The following MAN1A2 variants were observed in gnomAD, a reference collection of about 807,000 sequenced individuals.
MAN1A2 encodes mannosyl-oligosaccharide 1,2-alpha-mannosidase IB.
Under a neutral mutation model 75.7 loss-of-function variants are expected in MAN1A2, and 26 were observed. The observed-to-expected ratio is 0.34, with a 90% CI of 0.25 to 0.48. The LOEUF is 0.48. Ranked by LOEUF, MAN1A2 falls within the 20% of genes least tolerant of loss-of-function variation. The pLI is 0.99. For synonymous variants in MAN1A2, 247 were observed against 264.6 expected (o/e 0.93, Z 0.65); for missense variants, 562 against 775.5 (o/e 0.72, Z 3.27).
At chr1:117,473,648 G>A (rs1259534816) in intron 8 of MAN1A2, among the ~76,000 whole-genome samples, 1 of 151,924 alleles carries the variant, frequency 6.6e-6, no homozygotes, top group Admixed American at 6.6e-5. Flanking sequence ...CAGAGCTATT[G>A]CAGCCACTAC....
At chr1:117,463,287 C>G (rs1448394962) in intron 7 of MAN1A2, among the ~76,000 whole-genome samples, 1 of 151,986 alleles carries the variant, frequency 6.6e-6, no homozygotes, top group Non-Finnish European at 1.5e-5. Context: ...AGTCTGCTTC[C>G]TACCGTATCC....
At chr1:117,480,626 A>AT (rs774986120) in intron 8 of MAN1A2, among the ~76,000 whole-genome samples, 1 of 151,584 alleles carries the variant, frequency 6.6e-6, no homozygotes, top group Non-Finnish European at 1.5e-5. Flanking sequence ...ATGCTGCCTC[A>AT]TTTTTTTACT....
At position 117,439,445 on chromosome 1, in the gene MAN1A2, C is replaced by T. The variant is rs12073066; in HGVS notation, c.856-2786C>T. ...GAAGCATATATAGATCCTAATGTCA[C>T]TTCCCTCCTCAAGAAACTACAGTGG... On this transcript the variant is annotated intron_variant, in intron 5 of 12. Transcript: ENST00000356554. Among the ~76,000 whole-genome samples, 584 of 152,002 alleles carry T rather than the reference C, an allele frequency of 3.8e-3. 7 individuals are homozygous for T. Among genetic ancestry groups the T allele is most frequent in the African/African-American group, 0.013 (555 of 41,458 alleles).
intron 6 of MAN1A2, 86 bp from the exon 7 acceptor site, chr1:117,460,403 T>G: frequency 2.4e-6 from 2 of 823,808 alleles, no homozygotes; most frequent in South Asian, 4.2e-5. Context: ...TTATAAGAGA[T>G]CTATTTAAAA....
chr1:117,385,418 G>C (rs930461455), intron 1 of MAN1A2, among the ~76,000 whole-genome samples: 14 of 152,200 alleles, frequency 9.2e-5, no homozygotes, highest in Admixed American at 5.2e-4. Flanking sequence ...TGAATGTGTA[G>C]TAGTAATTAT....
intron 5 of MAN1A2, among the ~76,000 whole-genome samples, chr1:117,439,378 A>G (rs1312702324): frequency 6.6e-6 from 1 of 152,198 alleles, no homozygotes. Context: ...CAAAAATATT[A>G]TCTTAGTAAC....
At chr1:117,445,661 A>G (rs947798848) in intron 6 of MAN1A2, among the ~76,000 whole-genome samples, 1 of 151,706 alleles carries the variant, frequency 6.6e-6, no homozygotes, top group Non-Finnish European at 1.5e-5. Flanking sequence ...CTAGTAGCTG[A>G]GACTACAGGT....
intron 1 of MAN1A2, among the ~76,000 whole-genome samples, chr1:117,389,572 C>CACTG (rs1160839341): frequency 6.6e-6 from 1 of 152,122 alleles, no homozygotes. Context: ...GGTTGGGGAT[C>CACTG]ACTGCATTAC....
chr1:117,404,842 C>G (rs932269352), intron 2 of MAN1A2, among the ~76,000 whole-genome samples: 1 of 152,080 alleles, frequency 6.6e-6, no homozygotes, highest in African/African-American at 2.4e-5. Context: ...ATCATGAGGT[C>G]AGGAGATCAA....
chr1:117,415,794 A>G (rs182973340), intron 4 of MAN1A2, among the ~76,000 whole-genome samples: 8 of 152,140 alleles, frequency 5.3e-5, no homozygotes. Flanking sequence ...CTTAGACCTC[A>G]TGATATGAAA....
At chr1:117,397,521 T>G (rs936606754) in intron 1 of MAN1A2, among the ~76,000 whole-genome samples, 11 of 152,150 alleles carry the variant, frequency 7.2e-5, no homozygotes, top group Non-Finnish European at 1.3e-4. Flanking sequence ...TGGAAAACTG[T>G]TACATGGCAG....
intron 5 of MAN1A2, among the ~76,000 whole-genome samples, chr1:117,434,432 G>C (rs1648783595): frequency 6.6e-6 from 1 of 152,168 alleles, no homozygotes; most frequent in African/African-American, 2.4e-5. Flanking sequence ...TAATTCGGCT[G>C]TGTGAAGTAA....
At chr1:117,379,103 T>C (rs1653249195) in intron 1 of MAN1A2, among the ~76,000 whole-genome samples, 1 of 152,170 alleles carries the variant, frequency 6.6e-6, no homozygotes, top group Non-Finnish European at 1.5e-5. Flanking sequence ...TCAGTTCTGA[T>C]AGTTGTAAAG....
At chr1:117,423,702 C>G (rs1557943920) in intron 5 of MAN1A2, among the ~76,000 whole-genome samples, 1 of 151,888 alleles carries the variant, frequency 6.6e-6, no homozygotes, top group Non-Finnish European at 1.5e-5. Flanking sequence ...TCTCAGTTGT[C>G]TCAGGACATT....
intron 6 of MAN1A2, among the ~76,000 whole-genome samples, chr1:117,448,185 C>A (rs1013256717): frequency 3.3e-5 from 5 of 152,062 alleles, no homozygotes; most frequent in Non-Finnish European, 7.4e-5. Context: ...TGCGGCAATT[C>A]TGAACGGGAG....
chr1:117,501,504 A>G (rs1018416952), intron 11 of MAN1A2, among the ~76,000 whole-genome samples: 1 of 151,674 alleles, frequency 6.6e-6, no homozygotes, highest in Admixed American at 6.6e-5. Context: ...CAAACTTCCA[A>G]ACTTGCCCTC....
At position 117,367,924 on chromosome 1, in the gene MAN1A2, G is replaced by T. The variant is rs1557920372; in HGVS notation, c.-260G>T. On this transcript the variant is annotated 5_prime_UTR_variant, in exon 1 of 13. Coordinates refer to ENST00000356554, the MANE Select transcript of MAN1A2 (RefSeq NM_006699.5). ...ACCCCTAGGAATGAAGAGGAGGCTT[G>T]TAATAATCCGATGAAGTACAGATGT... The T allele has an allele frequency of 2.6e-5, 11 of 427,838 alleles. No homozygotes were observed. The highest frequency in any genetic ancestry group is 2.5e-5 in the Non-Finnish European group (6 of 240,552). The allele number at this position is 427,838 out of a possible 1,614,324, so 26.5% of individuals were successfully genotyped here.
At chr1:117,469,933 A>G (rs886213114) in intron 8 of MAN1A2, among the ~76,000 whole-genome samples, 11 of 152,134 alleles carry the variant, frequency 7.2e-5, no homozygotes, top group Admixed American at 6.6e-4. Context: ...TTAAACATAG[A>G]ATTACCATAT....
At chr1:117,490,386 A>G (rs574001121) in intron 8 of MAN1A2, among the ~76,000 whole-genome samples, 1 of 152,054 alleles carries the variant, frequency 6.6e-6, no homozygotes, top group Admixed American at 6.6e-5. Context: ...GTGATCTTTG[A>G]TATTATTATT....
Sources: allele counts gnomAD v4.1 joint callset (sites outside exome capture counted in the v4.1 genomes callset), GRCh38; gene constraint gnomAD v4.1.1; transcripts MANE v1.5; gene names NCBI Gene and HGNC (gene_info 2026-07-23, HGNC 2026-07-21).